The following LIPI variants were observed in gnomAD, a reference collection of about 807,000 sequenced individuals.
LIPI encodes lipase member I.
A neutral mutation model predicts 50.6 loss-of-function variants in LIPI; 59 were observed. The ratio of observed to expected loss-of-function variants is 1.16; its 90% confidence interval spans 0.94 to 1.45. LIPI has a LOEUF of 1.45. Ranked by LOEUF, LIPI falls within the 40% of genes most tolerant of loss-of-function variation. LIPI has a pLI of 0.00. For missense variants in LIPI, 586 were observed against 536.3 expected (o/e 1.09, Z -0.92); for synonymous variants, 203 against 178.2 (o/e 1.14, Z -1.11).
In LIPI at chr21:14,146,772, A is replaced by ATTTTTTTTTTTTTTTT. The variant is rs3048482; in HGVS notation, c.1119-1989_1119-1974dup. 5.2e-4 allele frequency among the ~76,000 whole-genome samples: 38 copies of ATTTTTTTTTTTTTTTT among 73,386 alleles called. 11 individuals are homozygous for ATTTTTTTTTTTTTTTT. Among genetic ancestry groups the ATTTTTTTTTTTTTTTT allele is most frequent in the African/African-American group, 2.1e-3 (35 of 16,550 alleles). The allele number at this position is 73,386 out of a possible 152,430, so 48.1% of individuals were successfully genotyped here. A position where few individuals can be genotyped will look rare whatever the true frequency, so the allele number is the denominator to read the frequency against. ...TCTCTTTCTTACTTTCCCAGTCTCT[A>ATTTTTTTTTTTTTTTT]TTTTTTTTTTTTTTTTTTTTTTTTT... is the stretch of plus-strand genomic sequence containing the variant. On this transcript the variant is annotated intron_variant, in intron 8 of 9. Coordinates refer to ENST00000681601, the MANE Select transcript of LIPI (RefSeq NM_001302998.2).
chr21:14,166,792 A>G (rs2123166180), intron 4 of LIPI, among the ~76,000 whole-genome samples: 1 of 152,280 alleles, frequency 6.6e-6, no homozygotes, highest in South Asian at 2.1e-4. Context: ...TGCAGAAGGC[A>G]GGTGCAGAAG....
chr21:14,202,612 G>C (rs1280116164), intron 1 of LIPI, among the ~76,000 whole-genome samples: 4 of 152,104 alleles, frequency 2.6e-5, no homozygotes, highest in African/African-American at 9.7e-5. Flanking sequence ...AATGGTGCTG[G>C]GAAAACTGGC....
rs928453257 is a variant in LIPI, at chr21:14,170,786, TC to T, written c.644-4336del. 7.6e-3 allele frequency among the ~76,000 whole-genome samples: 1,156 copies of T among 151,184 alleles called. 11 individuals carry two copies. The highest frequency in any genetic ancestry group is 0.018 in the African/African-American group (741 of 41,226). On this transcript the variant is annotated intron_variant, in intron 4 of 9. Coordinates refer to ENST00000681601, the MANE Select transcript of LIPI (RefSeq NM_001302998.2). ...CTGAATGGGCAAAAACTGGAAGCAT[TC>T]CCTTTGAAAACTGGCACAAGACAGG...
intron 1 of LIPI, among the ~76,000 whole-genome samples, chr21:14,204,264 T>G (rs115656641): frequency 0.013 from 2,033 of 151,864 alleles, 50 homozygotes; most frequent in African/African-American, 0.046. Context: ...ACTAGGTTCC[T>G]ATGATTTGCA....
chr21:14,172,168 T>G (rs1487491998), intron 4 of LIPI, among the ~76,000 whole-genome samples: 1 of 151,370 alleles, frequency 6.6e-6, no homozygotes, highest in Non-Finnish European at 1.5e-5. Context: ...CACAATGAGA[T>G]ACCATCTCAC....
chr21:14,115,769 G>A (rs901569888), intron 9 of LIPI, among the ~76,000 whole-genome samples: 3 of 152,142 alleles, frequency 2.0e-5, no homozygotes, highest in African/African-American at 7.2e-5. Flanking sequence ...CCAAGGTAAG[G>A]TTGGTCCCTA....
At chr21:14,162,235 TCA>T (rs1487064473) in intron 7 of LIPI, among the ~76,000 whole-genome samples, 1 of 151,102 alleles carries the variant, frequency 6.6e-6, no homozygotes, top group Non-Finnish European at 1.5e-5. Flanking sequence ...ATTAAAAAGG[TCA>T]CATGCTGGAT....
At chr21:14,194,400 A>G (rs913867423) in intron 1 of LIPI, among the ~76,000 whole-genome samples, 4 of 150,820 alleles carry the variant, frequency 2.7e-5, no homozygotes, top group Admixed American at 6.6e-5. Flanking sequence ...TGGAAGCCAC[A>G]CAAGTATCCA....
chr21:14,149,589 C>T (rs1301933998), intron 8 of LIPI, among the ~76,000 whole-genome samples: 1 of 152,292 alleles, frequency 6.6e-6, no homozygotes, highest in African/African-American at 2.4e-5. Flanking sequence ...CACCTATGAG[C>T]CTGTAAAATC....
intron 8 of LIPI, among the ~76,000 whole-genome samples, chr21:14,151,002 A>G (rs1018140365): frequency 1.3e-5 from 2 of 152,198 alleles, no homozygotes; most frequent in African/African-American, 4.8e-5. Flanking sequence ...TATTAAACAT[A>G]TGTTTATCCA....
intron 4 of LIPI, among the ~76,000 whole-genome samples, chr21:14,169,497 A>G (rs2018814076): frequency 6.6e-6 from 1 of 152,182 alleles, no homozygotes; most frequent in Non-Finnish European, 1.5e-5. Context: ...AAAGAACAGA[A>G]ATTATAACAA....
intron 6 of LIPI, 96 bp from the exon 7 acceptor site, chr21:14,163,619 C>A: frequency 1.4e-6 from 1 of 719,612 alleles, no homozygotes; most frequent in South Asian, 1.5e-5. Context: ...TGCATATAAT[C>A]ATCATAATGA....
At chr21:14,110,515 G>A (rs1208540064) in intron 9 of LIPI, among the ~76,000 whole-genome samples, 1 of 151,764 alleles carries the variant, frequency 6.6e-6, no homozygotes, top group South Asian at 2.1e-4. Flanking sequence ...CATTTTTCAG[G>A]AATATAATAT....
At chr21:14,161,587 T>C (rs1343719913) in intron 7 of LIPI, among the ~76,000 whole-genome samples, 1 of 117,578 alleles carries the variant, frequency 8.5e-6, no homozygotes, top group Non-Finnish European at 1.6e-5. Context: ...ATAATATATA[T>C]CTATATAATA....
chr21:14,165,663 C>G (rs1435225989), intron 5 of LIPI, among the ~76,000 whole-genome samples: 1 of 152,226 alleles, frequency 6.6e-6, no homozygotes, highest in South Asian at 2.1e-4. Context: ...AAGCTCTACA[C>G]AGTGCTACTA....
intron 4 of LIPI, among the ~76,000 whole-genome samples, chr21:14,181,373 A>T (rs968381998): frequency 6.6e-6 from 1 of 152,198 alleles, no homozygotes; most frequent in African/African-American, 2.4e-5. Flanking sequence ...TCTAGTCGAT[A>T]TATATCATAG....
In LIPI at chr21:14,124,610, T is replaced by C. The variant is rs192172156; in HGVS notation, c.1296-15530A>G. Among the ~76,000 whole-genome samples the C allele has an allele frequency of 5.9e-5, 9 of 152,322 alleles. No individual in the cohort carries two copies. In the East Asian group the frequency reaches 1.7e-3, roughly 29 times the overall value. The stretch of plus-strand genomic sequence containing the variant: ...GTGTAACATGTAGTATAAATAAATG[T>C]AAAAGACTGATCAACTGCCTAAGTA... On this transcript the variant is annotated intron_variant, in intron 9 of 9. Transcript: ENST00000681601.
chr21:14,187,368 A>G (rs1366336614), intron 2 of LIPI, among the ~76,000 whole-genome samples: 2 of 152,060 alleles, frequency 1.3e-5, no homozygotes, highest in Admixed American at 6.6e-5. Context: ...ATGAAAAACT[A>G]CCCTCAGGCT....
At chr21:14,151,221 T>A (rs1031860468) in intron 8 of LIPI, among the ~76,000 whole-genome samples, 1 of 152,218 alleles carries the variant, frequency 6.6e-6, no homozygotes, top group African/African-American at 2.4e-5. Context: ...TATATTTTAA[T>A]ATCGTTTCAG....
Sources: allele counts gnomAD v4.1 joint callset (sites outside exome capture counted in the v4.1 genomes callset), GRCh38; gene constraint gnomAD v4.1.1; transcripts MANE v1.5; gene names NCBI Gene and HGNC (gene_info 2026-07-23, HGNC 2026-07-21).